The following FBLN1 variants were observed in gnomAD, a reference collection of about 807,000 sequenced individuals.
FBLN1 encodes fibulin 1.
FBLN1 carries 34 observed loss-of-function variants against 89.7 expected under a neutral mutation model. The ratio of observed to expected loss-of-function variants is 0.38; its 90% confidence interval spans 0.29 to 0.50. FBLN1 has a LOEUF of 0.50. FBLN1 is among the 20% of genes least tolerant of loss of function. FBLN1 has a pLI of 0.92. For synonymous variants in FBLN1, 393 were observed against 391.3 expected, an observed-to-expected ratio of 1.00 and a Z score of -0.05; for missense variants, 777 against 988.1, an observed-to-expected ratio of 0.79 and a Z score of 2.86.
In FBLN1 at chr22:45,583,514, G is replaced by C. The variant is rs1351197997; in HGVS notation, c.1972+6406G>C. 1.3e-5 allele frequency among the ~76,000 whole-genome samples: 2 copies of C among 152,228 alleles called. No individual in the cohort carries two copies. The highest frequency in any genetic ancestry group is 4.8e-5 in the African/African-American group (2 of 41,458). Reference sequence around the variant, plus strand: ...AGCTCCCAGCAGTGCCTGGCACACAGTGGGTGCACAGGATGTAAATACTGA... The same window carrying C: ...AGCTCCCAGCAGTGCCTGGCACACACTGGGTGCACAGGATGTAAATACTGA... On this transcript the variant is annotated intron_variant, in intron 16 of 16. Transcript: ENST00000327858. This position sits in a 1 kb window ranked among gnomAD's most constrained non-coding sequence, Gnocchi z 4.5.
In FBLN1 at chr22:45,507,764, G is replaced by A. The variant is rs150218604; in HGVS notation, c.79+4700G>A. Among the ~76,000 whole-genome samples, 388 of 152,262 alleles carry A rather than the reference G, an allele frequency of 2.5e-3. 3 individuals are homozygous for A. Among genetic ancestry groups the A allele is most frequent in the African/African-American group, 9.1e-3 (380 of 41,542 alleles). ...ACTGGTCTTGAACTCCTGACCTCAA[G>A]TGATCCACCTGTCTCGGCCTCCCAA... On this transcript the variant is annotated intron_variant, in intron 1 of 16. Transcript: ENST00000327858.
At chr22:45,513,652 G>A (rs915442721) in intron 1 of FBLN1, among the ~76,000 whole-genome samples, 2 of 152,126 alleles carry the variant, frequency 1.3e-5, no homozygotes, top group Admixed American at 1.3e-4. Flanking sequence ...CTCCCCCGAA[G>A]CCTGTGGCAC....
intron 14 of FBLN1, chr22:45,558,215 G>A (rs548394415): frequency 1.4e-4 from 82 of 601,356 alleles, no homozygotes; most frequent in East Asian, 4.8e-4. Context: ...GCCCGATCAC[G>A]TATATACCAC....
rs1193007359 is a variant in FBLN1 at position 45,543,453 on chromosome 22, G to T, written c.1248G>T (p.Glu416Asp). 1.2e-6 allele frequency: 2 copies of T among 1,613,844 alleles called. No individual in the cohort carries two copies. The highest frequency in any genetic ancestry group is 1.7e-5 in the Admixed American group (1 of 60,018). The change falls in exon 11 of 17, where the codon GAG (glutamate) becomes GAT (aspartate). Residue 416 changes from glutamate to aspartate, a missense_variant. Coordinates refer to ENST00000327858, the MANE Select transcript of FBLN1 (RefSeq NM_006486.3). The stretch of plus-strand genomic sequence containing the variant: ...GGCGCCTGTGTGGCCACAAGTGCGA[G>T]AACACGCTGGGCTCCTACCTCTGCA... ...YPGRLCGHKC[E>D]NTLGSYLCSC...
At chr22:45,551,635 C>A (rs1241343060) in intron 14 of FBLN1, among the ~76,000 whole-genome samples, 2 of 152,252 alleles carry the variant, frequency 1.3e-5, no homozygotes, top group African/African-American at 2.4e-5. Flanking sequence ...AACCCAACAT[C>A]TTGTTTCCTT....
At chr22:45,540,107 A>G (rs1177334874) in intron 8 of FBLN1, among the ~76,000 whole-genome samples, 1 of 152,164 alleles carries the variant, frequency 6.6e-6, no homozygotes, top group Non-Finnish European at 1.5e-5. Flanking sequence ...AGCAGGTGTA[A>G]GCCGGGTTTG....
chr22:45,546,179 C>A (rs369056947), intron 11 of FBLN1, among the ~76,000 whole-genome samples: 13 of 148,056 alleles, frequency 8.8e-5, no homozygotes, highest in African/African-American at 1.2e-4. Flanking sequence ...GACTTTGTCT[C>A]AAAAAAAAAA....
chr22:45,533,612 C>T, intron 6 of FBLN1, 149 bp from the exon 7 acceptor site: 2 of 860,930 alleles, frequency 2.3e-6, no homozygotes, highest in Non-Finnish European at 3.9e-6. Flanking sequence ...GTGCAGTCCA[C>T]AGCCCGGATG....
intron 16 of FBLN1, among the ~76,000 whole-genome samples, chr22:45,591,999 A>G: frequency 6.7e-6 from 1 of 148,872 alleles, no homozygotes; most frequent in African/African-American, 2.5e-5. Context: ...GGAGGGAGGA[A>G]GTGTCCTGCG....
intron 2 of FBLN1, among the ~76,000 whole-genome samples, chr22:45,520,767 G>A (rs751194476): frequency 6.6e-6 from 1 of 152,124 alleles, no homozygotes; most frequent in Non-Finnish European, 1.5e-5. Flanking sequence ...ACTATCAAAT[G>A]TATTACTGAC....
intron 14 of FBLN1, among the ~76,000 whole-genome samples, chr22:45,551,677 A>T (rs1326115054): frequency 6.6e-6 from 1 of 152,174 alleles, no homozygotes; most frequent in Non-Finnish European, 1.5e-5. Flanking sequence ...AGCTGCCCCA[A>T]AACTGGGTTT....
chr22:45,525,491 C>T (rs1374645688), intron 2 of FBLN1, 52 bp from the exon 3 acceptor site: 2 of 1,540,500 alleles, frequency 1.3e-6, no homozygotes, highest in African/African-American at 2.7e-5. Context: ...GGATCTCGTG[C>T]CCTGGGCCCC....
chr22:45,548,258 C>T (rs143475038), intron 12 of FBLN1, among the ~76,000 whole-genome samples: 3 of 152,302 alleles, frequency 2.0e-5, no homozygotes, highest in Non-Finnish European at 4.4e-5. Context: ...ACTTTGTTGC[C>T]GAGGCTGGTC....
chr22:45,579,456 C>T lies in FBLN1; in HGVS notation c.1972+2348C>T, dbSNP rs978324700. On this transcript the variant is annotated intron_variant, in intron 16 of 16. Coordinates refer to ENST00000327858, the MANE Select transcript of FBLN1 (RefSeq NM_006486.3). The surrounding 1 kb of genome is among the most constrained non-coding windows in gnomAD (Gnocchi z 5.5). ...TGTGGATGAGGCCACAAGGACCCAG[C>T]GGCTTCCCCCGGCACAGTTGGTCAC... Among the ~76,000 whole-genome samples the T allele has an allele frequency of 1.3e-5, 2 of 152,232 alleles. No individual in the cohort carries two copies. The highest frequency in any genetic ancestry group is 2.4e-5 in the African/African-American group (1 of 41,464).
At chr22:45,585,019 A>T (rs1029629019) in intron 16 of FBLN1, among the ~76,000 whole-genome samples, 2 of 152,204 alleles carry the variant, frequency 1.3e-5, no homozygotes, top group East Asian at 3.9e-4. Context: ...GCTTTTAAGA[A>T]GCTCCCCACC....
At chr22:45,568,038 C>T (rs1031488255) in intron 14 of FBLN1, among the ~76,000 whole-genome samples, 1 of 151,902 alleles carries the variant, frequency 6.6e-6, no homozygotes, top group African/African-American at 2.4e-5. Flanking sequence ...GAGTCTCACA[C>T]GAGGGAGAGA....
intron 1 of FBLN1, among the ~76,000 whole-genome samples, chr22:45,511,866 G>A (rs28718049): frequency 6.6e-6 from 1 of 152,160 alleles, no homozygotes; most frequent in African/African-American, 2.4e-5. Flanking sequence ...GGGAACATTC[G>A]AGTTGAAGGT....
chr22:45,529,743 G>A (rs1419328919), intron 4 of FBLN1, among the ~76,000 whole-genome samples: 1 of 152,204 alleles, frequency 6.6e-6, no homozygotes, highest in Admixed American at 6.5e-5. Context: ...GCGGGCGCCT[G>A]TAATCCCAGC....
At chr22:45,594,357 G>A (rs1045053131) in intron 16 of FBLN1, among the ~76,000 whole-genome samples, 2 of 152,198 alleles carry the variant, frequency 1.3e-5, no homozygotes, top group African/African-American at 2.4e-5. Context: ...CACCAGATGA[G>A]GCACGTGGCT....
Sources: allele counts gnomAD v4.1 joint callset (sites outside exome capture counted in the v4.1 genomes callset), GRCh38; gene constraint gnomAD v4.1.1; non-coding constraint Gnocchi (gnomAD v3.1); transcripts MANE v1.5; gene names NCBI Gene and HGNC (gene_info 2026-07-23, HGNC 2026-07-21).